Variants in TNR observed in about 807,000 individuals in gnomAD.
TNR encodes tenascin R.
Under a neutral mutation model 150.4 loss-of-function variants are expected in TNR, and 45 were observed. The observed-to-expected ratio is 0.30, with a 90% confidence interval of 0.24 to 0.38. The LOEUF is 0.38. Ranked by LOEUF, TNR falls within the 10% of genes least tolerant of loss-of-function variation. The pLI is 1.00. For synonymous variants in TNR, 687 were observed against 678.4 expected (o/e 1.01, Z -0.20); for missense variants, 1,544 against 1,759.1 (o/e 0.88, Z 2.19).
intron 18 of TNR, among the ~76,000 whole-genome samples, chr1:175,340,095 C>T: frequency 6.6e-6 from 1 of 152,132 alleles, no homozygotes; most frequent in East Asian, 1.9e-4. Context: ...ATAAAATTAT[C>T]TTAAGAAAAA....
intron 2 of TNR, among the ~76,000 whole-genome samples, chr1:175,423,724 G>A (rs1306223299): frequency 6.6e-6 from 1 of 152,208 alleles, no homozygotes; most frequent in Non-Finnish European, 1.5e-5. Context: ...CCAAGGTCAA[G>A]GCAGGCTGGC....
chr1:175,432,178 C>T (rs1655303157), intron 2 of TNR, among the ~76,000 whole-genome samples: 1 of 152,206 alleles, frequency 6.6e-6, no homozygotes, highest in South Asian at 2.1e-4. Flanking sequence ...TACAAGGGGT[C>T]ATCTAAGTGA....
chr1:175,647,245 T>G (rs971525962), intron 1 of TNR, among the ~76,000 whole-genome samples: 1 of 152,208 alleles, frequency 6.6e-6, no homozygotes, highest in Non-Finnish European at 1.5e-5. Context: ...TTGAAAGCTC[T>G]TTCTAACCCA....
chr1:175,373,313 C>T (rs1193052357), intron 9 of TNR, among the ~76,000 whole-genome samples: 1 of 152,136 alleles, frequency 6.6e-6, no homozygotes, highest in Non-Finnish European at 1.5e-5. Flanking sequence ...ATTTGGAGAC[C>T]AGAGGTTTCA....
At position 175,379,541 on chromosome 1, in the gene TNR, G is replaced by C. The variant is rs1300496105; in HGVS notation, c.1963+11C>G. The C allele has an allele frequency of 1.9e-6, 3 of 1,611,080 alleles. No individual in the cohort carries two copies. In the East Asian group the frequency reaches 6.7e-5, roughly 36 times the overall value. ...CAACCAGCATAACCCCAAGAGATAG[G>C]TCTTACTCACCTGTCAGGGTGGCCC... On this transcript the variant is annotated intron_variant, in intron 9 of 22. Coordinates refer to ENST00000367674, the MANE Select transcript of TNR (RefSeq NM_003285.3).
intron 1 of TNR, among the ~76,000 whole-genome samples, chr1:175,559,917 G>T (rs1263234914): frequency 2.6e-5 from 4 of 152,148 alleles, no homozygotes; most frequent in African/African-American, 9.7e-5. Context: ...CATTGTATTT[G>T]TCCTCCCTGG....
intron 1 of TNR, among the ~76,000 whole-genome samples, chr1:175,730,319 T>C (rs945878209): frequency 6.6e-6 from 1 of 152,144 alleles, no homozygotes; most frequent in Admixed American, 6.5e-5. Context: ...CTTAATAAGA[T>C]ACCCTGAGCA....
intron 1 of TNR, among the ~76,000 whole-genome samples, chr1:175,670,720 T>C (rs937827691): frequency 6.6e-6 from 1 of 152,126 alleles, no homozygotes; most frequent in African/African-American, 2.4e-5. Flanking sequence ...GGAAAGAGCA[T>C]GACATTTTCA....
chr1:175,581,487 C>T (rs1662346685), intron 1 of TNR, among the ~76,000 whole-genome samples: 1 of 152,174 alleles, frequency 6.6e-6, no homozygotes, highest in African/African-American at 2.4e-5. Flanking sequence ...TCCACCTCCA[C>T]CTCCAAACTG....
chr1:175,676,622 C>T (rs1354375121), intron 1 of TNR, among the ~76,000 whole-genome samples: 1 of 152,108 alleles, frequency 6.6e-6, no homozygotes, highest in African/African-American at 2.4e-5. Flanking sequence ...GACTCACCAG[C>T]AACAACCAAA....
rs865884174 is a variant in TNR at position 175,373,118 on chromosome 1, G to A, written c.1964-5821C>T. Among the ~76,000 whole-genome samples the A allele has an allele frequency of 3.3e-5, 5 of 152,164 alleles. No homozygotes were observed. The East Asian group carries it at 7.7e-4, about 23-fold the overall frequency. ...GTGGCAGTAGCGGTGGTGGTGGGGAGTGTTGGGGAGACTCCGAAGAGAGGA... is the reference window on the plus strand; with the variant it reads ...GTGGCAGTAGCGGTGGTGGTGGGGAATGTTGGGGAGACTCCGAAGAGAGGA... On this transcript the variant is annotated intron_variant, in intron 9 of 22. Coordinates refer to ENST00000367674, the MANE Select transcript of TNR (RefSeq NM_003285.3).
At chr1:175,326,875 C>T (rs1379256937) in intron 21 of TNR, among the ~76,000 whole-genome samples, 1 of 152,032 alleles carries the variant, frequency 6.6e-6, no homozygotes, top group Non-Finnish European at 1.5e-5. Flanking sequence ...ACTGTGTTAG[C>T]CAGGATGGTC....
chr1:175,385,943 TC>T, intron 8 of TNR, 88 bp downstream of exon 8: 1 of 1,444,094 alleles, frequency 6.9e-7, no homozygotes, highest in Non-Finnish European at 9.3e-7. Flanking sequence ...CTTGCCTCAT[TC>T]CTAATACTCC....
intron 1 of TNR, among the ~76,000 whole-genome samples, chr1:175,563,696 C>T (rs935606422): frequency 1.3e-5 from 2 of 152,200 alleles, no homozygotes; most frequent in African/African-American, 4.8e-5. Flanking sequence ...TGGCAAGGAG[C>T]AACATGGAGA....
At chr1:175,696,835 T>C (rs569146158) in intron 1 of TNR, among the ~76,000 whole-genome samples, 9 of 146,972 alleles carry the variant, frequency 6.1e-5, no homozygotes, top group Admixed American at 1.4e-4. Context: ...GCCGAGATCG[T>C]GCCATTGCAC....
chr1:175,555,515 GAAAAA>G (rs56074366), intron 1 of TNR, among the ~76,000 whole-genome samples: 15,494 of 127,890 alleles, frequency 0.12, 1,060 homozygotes, highest in Non-Finnish European at 0.18. Flanking sequence ...ACAACTGAGA[GAAAAA>G]AAAAAAAAAA....
At chr1:175,583,936 A>G (rs73050419) in intron 1 of TNR, among the ~76,000 whole-genome samples, 16,987 of 152,230 alleles carry the variant, frequency 0.11, 1,159 homozygotes, top group African/African-American at 0.19. Flanking sequence ...ACACCAGAAG[A>G]GCCAGCACAG....
chr1:175,634,112 C>T (rs1276975806), intron 1 of TNR, among the ~76,000 whole-genome samples: 1 of 152,272 alleles, frequency 6.6e-6, no homozygotes, highest in South Asian at 2.1e-4. Flanking sequence ...CCCTGGGACA[C>T]TCAGTGATTG....
chr1:175,690,171 G>A lies in TNR; in HGVS notation c.-165+53055C>T, dbSNP rs116326347. On this transcript the variant is annotated intron_variant, in intron 1 of 22. Transcript: ENST00000367674. ...TGTCTTTTTATTCTATTACATTGCCGTGGATCTTTATAACTCAATAAACAT... is the reference window on the plus strand; with the variant it reads ...TGTCTTTTTATTCTATTACATTGCCATGGATCTTTATAACTCAATAAACAT... Among the ~76,000 whole-genome samples, 91 of 152,218 alleles carry A rather than the reference G, an allele frequency of 6.0e-4. No homozygotes were observed. The East Asian group carries it at 0.012, about 20-fold the overall frequency.
Sources: allele counts gnomAD v4.1 joint callset (sites outside exome capture counted in the v4.1 genomes callset), GRCh38; gene constraint gnomAD v4.1.1; transcripts MANE v1.5; gene names NCBI Gene and HGNC (gene_info 2026-07-23, HGNC 2026-07-21).